Variants in XPR1 observed in about 807,000 individuals in gnomAD.
XPR1 encodes xenotropic and polytropic retrovirus receptor 1.
A neutral mutation model predicts 87.5 loss-of-function variants in XPR1; 28 were observed. That is an observed-to-expected ratio of 0.32 (90% CI 0.24 to 0.44). The LOEUF (loss-of-function observed/expected upper bound fraction) is 0.44. XPR1 is among the 20% of genes least tolerant of loss of function. The pLI, the probability that XPR1 is intolerant of heterozygous loss-of-function variation, is 1.00. For synonymous variants in XPR1, 300 were observed against 306.1 expected, an observed-to-expected ratio of 0.98 and a Z score of 0.21; for missense variants, 559 against 862.3, an observed-to-expected ratio of 0.65 and a Z score of 4.41.
chr1:180,809,824 ATAAAT>A (rs1421674828), intron 6 of XPR1, among the ~76,000 whole-genome samples: 5 of 152,194 alleles, frequency 3.3e-5, no homozygotes, highest in Non-Finnish European at 7.4e-5. Context: ...TGTATATATG[ATAAAT>A]TAAACAATTT....
intron 14 of XPR1, among the ~76,000 whole-genome samples, chr1:180,882,326 T>C (rs1027856270): frequency 2.0e-5 from 3 of 152,156 alleles, no homozygotes; most frequent in Non-Finnish European, 2.9e-5. Context: ...ATGCAACCTT[T>C]AGCATATCCT....
chr1:180,768,721 C>T (rs1005881238), intron 2 of XPR1, among the ~76,000 whole-genome samples: 16 of 152,134 alleles, frequency 1.1e-4, no homozygotes, highest in Non-Finnish European at 1.6e-4. Context: ...AATAAAGTTG[C>T]CTAACTAAGG....
At chr1:180,866,535 T>C (rs546334783) in intron 12 of XPR1, among the ~76,000 whole-genome samples, 37 of 127,814 alleles carry the variant, frequency 2.9e-4, no homozygotes, top group South Asian at 1.2e-3. Context: ...AGTTTCCACA[T>C]TGGTCATGGT....
intron 2 of XPR1, among the ~76,000 whole-genome samples, chr1:180,759,183 AC>A (rs2102048934): frequency 6.6e-6 from 1 of 152,202 alleles, no homozygotes; most frequent in East Asian, 1.9e-4. Context: ...TAAAATTGAC[AC>A]CCTAACATCA....
At chr1:180,755,588 A>G (rs924973850) in intron 2 of XPR1, among the ~76,000 whole-genome samples, 2 of 152,212 alleles carry the variant, frequency 1.3e-5, no homozygotes, top group African/African-American at 4.8e-5. Flanking sequence ...ACAATAATCC[A>G]TAAACTAAAA....
intron 2 of XPR1, among the ~76,000 whole-genome samples, chr1:180,753,715 A>G (rs1647619414): frequency 6.6e-6 from 1 of 152,208 alleles, no homozygotes; most frequent in Non-Finnish European, 1.5e-5. Context: ...TCAGTTTGAT[A>G]TATATCTATA....
At chr1:180,663,248 T>C (rs748582730) in intron 1 of XPR1, among the ~76,000 whole-genome samples, 1 of 152,234 alleles carries the variant, frequency 6.6e-6, no homozygotes, top group Non-Finnish European at 1.5e-5. Context: ...AATCTGTGTT[T>C]GTTTATACCC....
chr1:180,880,632 G>T (rs984859717), intron 14 of XPR1, among the ~76,000 whole-genome samples: 4 of 152,108 alleles, frequency 2.6e-5, no homozygotes, highest in African/African-American at 9.7e-5. Context: ...TAAACTTTAG[G>T]AATCCTGCCA....
At chr1:180,685,854 T>C (rs1399734093) in intron 2 of XPR1, among the ~76,000 whole-genome samples, 3 of 152,220 alleles carry the variant, frequency 2.0e-5, no homozygotes, top group Non-Finnish European at 4.4e-5. Flanking sequence ...CATTTTTTAT[T>C]GTGTCTATTT....
chr1:180,823,156 G>A (rs754707224), intron 7 of XPR1, among the ~76,000 whole-genome samples: 1 of 151,582 alleles, frequency 6.6e-6, no homozygotes, highest in Non-Finnish European at 1.5e-5. Flanking sequence ...CAGGAGAATC[G>A]CTTGAACGCG....
At position 180,691,053 on chromosome 1, in the gene XPR1, G is replaced by T. The variant is rs550223284; in HGVS notation, c.121+8642G>T. On this transcript the variant is annotated intron_variant, in intron 2 of 14. Transcript: ENST00000367590. Reference sequence around the variant, plus strand: ...AGTACTGGCATTTTGGTTTCATAAGGTATAGTCTGAGATGACACATACGGT... The same window carrying T: ...AGTACTGGCATTTTGGTTTCATAAGTTATAGTCTGAGATGACACATACGGT... 6.6e-5 allele frequency among the ~76,000 whole-genome samples: 10 copies of T among 151,998 alleles called. No homozygotes were observed. In the South Asian group the frequency reaches 2.1e-3, roughly 32 times the overall value.
chr1:180,783,641 A>AT (rs1163454344), intron 2 of XPR1, among the ~76,000 whole-genome samples: 1 of 151,936 alleles, frequency 6.6e-6, no homozygotes, highest in Non-Finnish European at 1.5e-5. Context: ...ATGTTTCTTG[A>AT]TTTTTTATAC....
At chr1:180,641,881 C>T (rs1383262619) in intron 1 of XPR1, among the ~76,000 whole-genome samples, 1 of 152,098 alleles carries the variant, frequency 6.6e-6, no homozygotes, top group Non-Finnish European at 1.5e-5. Context: ...CTTATCATTG[C>T]TGTATAAACA....
chr1:180,648,875 A>G (rs1174044539), intron 1 of XPR1, among the ~76,000 whole-genome samples: 1 of 152,156 alleles, frequency 6.6e-6, no homozygotes, highest in Non-Finnish European at 1.5e-5. Flanking sequence ...TACTGATTAC[A>G]TCTGTTCCTT....
At chr1:180,706,752 C>T (rs1185063193) in intron 2 of XPR1, among the ~76,000 whole-genome samples, 1 of 152,122 alleles carries the variant, frequency 6.6e-6, no homozygotes, top group African/African-American at 2.4e-5. Flanking sequence ...GCTGGGATTA[C>T]AGGTGCAAGC....
In XPR1 at chr1:180,647,549, T is replaced by C. The variant is rs1407685141; in HGVS notation, c.69+15279T>C. ...GTTTTGTCATTGTCATTCTTCTTCA[T>C]TGCGTTCTAAGGAAAGCAGCCTTGG... is the stretch of plus-strand genomic sequence containing the variant. On this transcript the variant is annotated intron_variant, in intron 1 of 14. Transcript: ENST00000367590. Among the ~76,000 whole-genome samples the C allele has an allele frequency of 5.9e-5, 9 of 152,198 alleles. No homozygotes were observed. The East Asian group carries it at 1.2e-3, about 20-fold the overall frequency.
chr1:180,647,193 G>A (rs964244221), intron 1 of XPR1, among the ~76,000 whole-genome samples: 5 of 152,356 alleles, frequency 3.3e-5, no homozygotes, highest in Admixed American at 3.3e-4. Context: ...AGGAGGCAGA[G>A]CTCTGGCCAT....
intron 1 of XPR1, among the ~76,000 whole-genome samples, chr1:180,654,658 C>A (rs1192655435): frequency 1.3e-5 from 2 of 152,140 alleles, no homozygotes; most frequent in African/African-American, 4.8e-5. Flanking sequence ...TAAGTAGAAT[C>A]ATACAGTATT....
At chr1:180,876,891 G>A (rs1020694044) in intron 13 of XPR1, among the ~76,000 whole-genome samples, 1 of 152,134 alleles carries the variant, frequency 6.6e-6, no homozygotes, top group Non-Finnish European at 1.5e-5. Flanking sequence ...CTAGCGCAAT[G>A]AGGAAAAAGA....
Sources: allele counts gnomAD v4.1 joint callset (sites outside exome capture counted in the v4.1 genomes callset), GRCh38; gene constraint gnomAD v4.1.1; transcripts MANE v1.5; gene names NCBI Gene and HGNC (gene_info 2026-07-23, HGNC 2026-07-21).